CDH13: variants seen among roughly 807,000 people sequenced by gnomAD.
The protein encoded by CDH13 is cadherin 13, also known as cadherin-13.
Under a neutral mutation model 63.8 loss-of-function variants are expected in CDH13, and 24 were observed. The observed-to-expected ratio is 0.38, with a 90% CI of 0.27 to 0.53. The LOEUF (loss-of-function observed/expected upper bound fraction) is 0.53. Among genes scored for constraint, CDH13 ranks in the 20% least tolerant of loss-of-function variants. The pLI, the probability that CDH13 is intolerant of heterozygous loss-of-function variation, is 0.85. For missense variants in CDH13, 1,049 were observed against 903.1 expected, an observed-to-expected ratio of 1.16 and a Z score of -2.07; for synonymous variants, 503 against 355.3, an observed-to-expected ratio of 1.42 and a Z score of -4.67.
chr16:83,220,671 G>GAGCAAAAAAAAAAAAAAAAAAAA (rs2039671151), intron 5 of CDH13, among the ~76,000 whole-genome samples: 1 of 131,364 alleles, frequency 7.6e-6, no homozygotes, highest in Non-Finnish European at 1.7e-5. Context: ...AAAAGAAAAA[G>GAGCAAAAAAAAAAAAAAAAAAAA]AAAAAAAAAA....
At chr16:82,910,259 A>G (rs924603797) in intron 2 of CDH13, among the ~76,000 whole-genome samples, 1 of 152,210 alleles carries the variant, frequency 6.6e-6, no homozygotes, top group African/African-American at 2.4e-5. Context: ...TCATCACTAC[A>G]TAATCCAGCC....
chr16:82,764,649 G>A (rs1306315600), intron 1 of CDH13, among the ~76,000 whole-genome samples: 1 of 152,200 alleles, frequency 6.6e-6, no homozygotes, highest in Non-Finnish European at 1.5e-5. Flanking sequence ...ATAAACGTGT[G>A]TTGAATAATA....
chr16:83,777,572 T>G (rs1915209888), intron 11 of CDH13, among the ~76,000 whole-genome samples: 1 of 152,214 alleles, frequency 6.6e-6, no homozygotes, highest in Non-Finnish European at 1.5e-5. Flanking sequence ...TACTGCAACA[T>G]CCCTTCTTTC....
At position 83,382,576 on chromosome 16, in the gene CDH13, A is replaced by T. The variant is rs901126570; in HGVS notation, c.781+37570A>T. On this transcript the variant is annotated intron_variant, in intron 6 of 13. Transcript: ENST00000567109. Reference sequence around the variant, plus strand: ...ACCCTCCTGCATAACCACCATGCAAACCCACAAGTCAAGAAATGAGCACTG... The same window carrying T: ...ACCCTCCTGCATAACCACCATGCAATCCCACAAGTCAAGAAATGAGCACTG... 2.6e-5 allele frequency among the ~76,000 whole-genome samples: 4 copies of T among 152,224 alleles called. No individual in the cohort carries two copies. The East Asian group carries it at 7.7e-4, about 29-fold the overall frequency.
intron 7 of CDH13, among the ~76,000 whole-genome samples, chr16:83,578,611 C>G (rs7198068): frequency 0.4 from 60,846 of 151,812 alleles, 12,705 homozygotes; most frequent in Admixed American, 0.52. Flanking sequence ...GGCATTGACT[C>G]CACTGATGTT....
intron 6 of CDH13, among the ~76,000 whole-genome samples, chr16:83,401,711 C>T (rs74249521): frequency 0.039 from 5,936 of 152,088 alleles, 129 homozygotes; most frequent in East Asian, 0.059. Flanking sequence ...CCCAAGGATG[C>T]GTGACTGGTA....
chr16:83,233,868 C>T (rs1368986823), intron 5 of CDH13, among the ~76,000 whole-genome samples: 4 of 152,070 alleles, frequency 2.6e-5, no homozygotes, highest in East Asian at 1.9e-4. Context: ...CTCTGGGGGC[C>T]GCTATTCTAC....
intron 3 of CDH13, among the ~76,000 whole-genome samples, chr16:83,091,975 C>A (rs937905830): frequency 2.0e-5 from 3 of 152,168 alleles, no homozygotes; most frequent in Admixed American, 6.5e-5. Flanking sequence ...TTCAGAGAAT[C>A]TAGAAATTTT....
intron 3 of CDH13, among the ~76,000 whole-genome samples, chr16:83,066,428 G>T (rs1241486233): frequency 1.3e-5 from 2 of 152,158 alleles, no homozygotes; most frequent in South Asian, 4.1e-4. Context: ...CGAGTTGGTT[G>T]CCCAACCAAG....
intron 9 of CDH13, among the ~76,000 whole-genome samples, chr16:83,673,953 A>G (rs1434662533): frequency 6.6e-6 from 1 of 152,110 alleles, no homozygotes; most frequent in Non-Finnish European, 1.5e-5. Flanking sequence ...TTGCTTTGGA[A>G]TTGGGATGCA....
intron 1 of CDH13, among the ~76,000 whole-genome samples, chr16:82,680,412 C>T (rs1023034974): frequency 9.9e-5 from 15 of 152,246 alleles, no homozygotes; most frequent in East Asian, 1.9e-4. Flanking sequence ...CCAGGAGGTG[C>T]GGGTGTAAGA....
At chr16:83,574,526 T>C (rs1346872277) in intron 7 of CDH13, among the ~76,000 whole-genome samples, 2 of 152,006 alleles carry the variant, frequency 1.3e-5, no homozygotes. Flanking sequence ...TGCTCTGAGA[T>C]CAGACCCAGG....
chr16:83,069,003 A>C (rs940524922), intron 3 of CDH13, among the ~76,000 whole-genome samples: 2 of 152,180 alleles, frequency 1.3e-5, no homozygotes, highest in Non-Finnish European at 2.9e-5. Flanking sequence ...CCATGCCCCC[A>C]GTTCAGTTGT....
chr16:83,030,536 A>C (rs1030963008), intron 2 of CDH13, among the ~76,000 whole-genome samples: 2 of 150,302 alleles, frequency 1.3e-5, no homozygotes, highest in African/African-American at 4.9e-5. Flanking sequence ...CCAGCTACCC[A>C]GGAGGCTGAG....
intron 1 of CDH13, among the ~76,000 whole-genome samples, chr16:82,686,018 A>G (rs367566858): frequency 1.3e-5 from 2 of 152,200 alleles, no homozygotes; most frequent in African/African-American, 4.8e-5. Flanking sequence ...TCTCTTCTGC[A>G]TTATCCCTAG....
At chr16:83,393,818 C>G (rs2091833793) in intron 6 of CDH13, among the ~76,000 whole-genome samples, 1 of 152,106 alleles carries the variant, frequency 6.6e-6, no homozygotes, top group Admixed American at 6.5e-5. Context: ...TGTTCACCCC[C>G]TAGTGGAGGG....
intron 2 of CDH13, among the ~76,000 whole-genome samples, chr16:82,896,616 G>GA (rs1333327927): frequency 2.6e-5 from 4 of 151,666 alleles, no homozygotes; most frequent in Admixed American, 1.3e-4. Context: ...ATTAAAGTGT[G>GA]AAAAAATTAT....
At chr16:82,893,163 G>C (rs1415489142) in intron 2 of CDH13, among the ~76,000 whole-genome samples, 1 of 152,190 alleles carries the variant, frequency 6.6e-6, no homozygotes, top group Non-Finnish European at 1.5e-5. Flanking sequence ...ACCTCAAACA[G>C]AGAAACCTCA....
At chr16:83,782,337 A>G (rs775884844) in intron 12 of CDH13, among the ~76,000 whole-genome samples, 28 of 152,290 alleles carry the variant, frequency 1.8e-4, no homozygotes, top group Non-Finnish European at 3.1e-4. Context: ...GGCTATTGCC[A>G]CCGCACATGA....
Sources: gnomAD v4.1 joint callset for allele counts (sites outside exome capture counted in the v4.1 genomes callset) on GRCh38, gnomAD v4.1.1 for gene constraint, MANE v1.5 for transcripts, NCBI Gene and HGNC (gene_info 2026-07-23, HGNC 2026-07-21) for gene names.